ACTL6A: variants seen among roughly 807,000 people sequenced by gnomAD.
ACTL6A encodes actin like 6A, also known as actin-like protein 6A.
Under a neutral mutation model 59.2 loss-of-function variants are expected in ACTL6A, and 5 were observed. That is an observed-to-expected ratio of 0.08 (90% confidence interval 0.04 to 0.18). ACTL6A has a LOEUF of 0.18. ACTL6A is among the 10% of genes least tolerant of loss of function. The pLI is 1.00. For missense variants in ACTL6A, 285 were observed against 526.9 expected (o/e 0.54, Z 4.49); for synonymous variants, 154 against 171.8 (o/e 0.90, Z 0.81).
chr3:179,566,847 G>A (rs945023688), intron 1 of ACTL6A, among the ~76,000 whole-genome samples: 17 of 152,032 alleles, frequency 1.1e-4, no homozygotes, highest in Admixed American at 3.9e-4. Flanking sequence ...ATACGGCCAC[G>A]CCCGGCTAAT....
At chr3:179,572,998 T>TTA (rs1553777440) in intron 3 of ACTL6A, among the ~76,000 whole-genome samples, 222 of 151,568 alleles carry the variant, frequency 1.5e-3, no homozygotes, top group Middle Eastern at 3.4e-3. Flanking sequence ...TTTTTTTTTT[T>TTA]ATAAATCCAG....
intron 10 of ACTL6A, 25 bp downstream of exon 10, chr3:179,581,033 G>A (rs1457453823): frequency 6.3e-7 from 1 of 1,596,404 alleles, no homozygotes; most frequent in Non-Finnish European, 8.5e-7. Flanking sequence ...TTCATAATTA[G>A]CCTGGCTTTT....
intron 3 of ACTL6A, among the ~76,000 whole-genome samples, chr3:179,571,535 C>T (rs934313948): frequency 1.3e-5 from 2 of 152,036 alleles, no homozygotes; most frequent in African/African-American, 2.4e-5. Context: ...GTTGTATTCA[C>T]AGCTAAGATT....
chr3:179,574,702 T>G, intron 5 of ACTL6A: 1 of 364,102 alleles, frequency 2.7e-6, no homozygotes, highest in Non-Finnish European at 5.0e-6. Context: ...ACGTTTTTGT[T>G]TTTGTTTTTA....
At position 179,576,274 on chromosome 3, in the gene ACTL6A, T is replaced by G; in HGVS notation, c.534T>G (p.Thr178=). 6.2e-7 allele frequency: 1 copy of G among 1,608,928 alleles called. No individual in the cohort carries two copies. The highest frequency in any genetic ancestry group is 8.5e-7 in the Non-Finnish European group (1 of 1,178,736). ...TGGACAGTGGAGCCACTCATACCACTGCAATTCCAGTCCACGATGGCTATG... is the reference window on the plus strand; with the variant it reads ...TGGACAGTGGAGCCACTCATACCACGGCAATTCCAGTCCACGATGGCTATG... The part of the protein sequence containing the change: ...LILDSGATHT[T]AIPVHDGYVL... The change falls in exon 6 of 14, where the codon ACT becomes ACG. Residue 178 remains threonine, a synonymous_variant. Coordinates refer to ENST00000429709, the MANE Select transcript of ACTL6A (RefSeq NM_004301.5).
At position 179,573,363 on chromosome 3, in the gene ACTL6A, T is replaced by A; in HGVS notation, c.278-6T>A. 6.5e-7 allele frequency: 1 copy of A among 1,546,064 alleles called. No individual in the cohort carries two copies. Among genetic ancestry groups the A allele is most frequent in the East Asian group, 2.3e-5 (1 of 43,312 alleles). Reference sequence around the variant, plus strand: ...TTATTTCCAAGTTACTAATCTTATATTCTAGTTGAAGACTGGGATAGTTTC... The same window carrying A: ...TTATTTCCAAGTTACTAATCTTATAATCTAGTTGAAGACTGGGATAGTTTC... On this transcript the variant is annotated splice_region_variant and splice_polypyrimidine_tract_variant and intron_variant, in intron 3 of 13. Transcript: ENST00000429709.
At chr3:179,578,551 C>T (rs980380283) in intron 8 of ACTL6A, among the ~76,000 whole-genome samples, 2 of 151,952 alleles carry the variant, frequency 1.3e-5, no homozygotes, top group East Asian at 1.9e-4. Context: ...CCTGTGAGGT[C>T]GAGGCTGCAG....
intron 1 of ACTL6A, among the ~76,000 whole-genome samples, chr3:179,569,027 G>A (rs112171644): frequency 6.6e-6 from 1 of 152,164 alleles, no homozygotes; most frequent in South Asian, 2.1e-4. Flanking sequence ...GTAATTCTAT[G>A]TATGCACAAT....
At chr3:179,568,174 CA>C (rs770514808) in intron 1 of ACTL6A, among the ~76,000 whole-genome samples, 3,203 of 56,432 alleles carry the variant, frequency 0.057, 46 homozygotes, top group African/African-American at 0.11. Context: ...GACTCCGTGT[CA>C]AAAAAAAAAA....
intron 3 of ACTL6A, among the ~76,000 whole-genome samples, chr3:179,571,582 C>A (rs558445850): frequency 2.1e-4 from 32 of 152,256 alleles, no homozygotes; most frequent in Non-Finnish European, 4.3e-4. Context: ...ACAAAATCGA[C>A]AAAGGGAAAA....
chr3:179,576,430 TTAAG>T, intron 6 of ACTL6A, 119 bp downstream of exon 6: 4 of 871,314 alleles, frequency 4.6e-6, no homozygotes, highest in Non-Finnish European at 6.9e-6. Context: ...AAGATTTTTT[TTAAG>T]TATGTTAAAA....
chr3:179,566,383 A>G (rs888816383), intron 1 of ACTL6A, among the ~76,000 whole-genome samples: 12 of 152,226 alleles, frequency 7.9e-5, no homozygotes, highest in African/African-American at 2.9e-4. Context: ...TTTCCATGGT[A>G]GAACTATATT....
intron 8 of ACTL6A, among the ~76,000 whole-genome samples, chr3:179,579,670 C>T (rs1045430706): frequency 2.6e-5 from 4 of 152,172 alleles, no homozygotes; most frequent in African/African-American, 4.8e-5. Context: ...CACCTGTAAT[C>T]CCAGCTACTT....
intron 4 of ACTL6A, 55 bp downstream of exon 4, chr3:179,573,524 T>C (rs1387402788): frequency 7.9e-7 from 1 of 1,265,012 alleles, no homozygotes; most frequent in Admixed American, 2.8e-5. Context: ...TTTTTTCTTT[T>C]TTTTTTCCTT....
intron 12 of ACTL6A, chr3:179,584,165 CCTT>C (rs1432079860): frequency 6.6e-6 from 1 of 152,142 alleles, no homozygotes; most frequent in East Asian, 1.9e-4. Context: ...GAAAATACCT[CCTT>C]CTTCACAGGA....
intron 1 of ACTL6A, among the ~76,000 whole-genome samples, chr3:179,564,396 A>G (rs955198132): frequency 1.3e-5 from 2 of 152,202 alleles, no homozygotes; most frequent in Non-Finnish European, 2.9e-5. Flanking sequence ...AAAATCCTCA[A>G]AAAAGACAAA....
chr3:179,584,989 A>G (rs1223724782), intron 12 of ACTL6A, among the ~76,000 whole-genome samples: 2 of 152,194 alleles, frequency 1.3e-5, no homozygotes, highest in African/African-American at 2.4e-5. Flanking sequence ...TGATATCTAA[A>G]TATATAGGCA....
At position 179,586,513 on chromosome 3, in the gene ACTL6A, T is replaced by G. The variant is rs200367619; in HGVS notation, c.1123-33T>G. The G allele has an allele frequency of 1.3e-4, 181 of 1,429,074 alleles. No individual in the cohort carries two copies. The East Asian group carries it at 4.7e-3, about 37-fold the overall frequency. 88.5% of individuals were successfully genotyped at this position (1,429,074 alleles called of 1,614,324 possible). A position where few individuals can be genotyped will look rare whatever the true frequency, so the allele number is the denominator to read the frequency against. Reference sequence around the variant, plus strand: ...AATTTTCTAAGTTGAGTCACAAGATTTGATTGTACTAATGCATATTCTTCT... The same window carrying G: ...AATTTTCTAAGTTGAGTCACAAGATGTGATTGTACTAATGCATATTCTTCT... On this transcript the variant is annotated intron_variant, in intron 12 of 13. Transcript: ENST00000429709.
rs1717956452 is a variant in ACTL6A at position 179,570,058 on chromosome 3, C to T, written c.103-9C>T. The T allele has an allele frequency of 3.7e-6, 6 of 1,611,676 alleles. No homozygotes were observed. The East Asian group carries it at 8.9e-5, about 24-fold the overall frequency. On this transcript the variant is annotated splice_polypyrimidine_tract_variant and intron_variant, in intron 2 of 13. Coordinates refer to ENST00000429709, the MANE Select transcript of ACTL6A (RefSeq NM_004301.5). The surrounding 1 kb of genome is among the most constrained non-coding windows in gnomAD (Gnocchi z 4.3). The stretch of plus-strand genomic sequence containing the variant: ...TGAAACTTGTATGTCATGTTTCTGA[C>T]TCTTACAGGTGGATTTTCCTACAGC...
Sources: gnomAD v4.1 joint callset for allele counts (sites outside exome capture counted in the v4.1 genomes callset) on GRCh38, gnomAD v4.1.1 for gene constraint, Gnocchi (gnomAD v3.1) non-coding constraint, MANE v1.5 for transcripts, NCBI Gene and HGNC (gene_info 2026-07-23, HGNC 2026-07-21) for gene names.